WNT11: variants seen among roughly 807,000 people sequenced by gnomAD.
WNT11 encodes the protein Wnt family member 11.
Under a neutral mutation model 35.6 loss-of-function variants are expected in WNT11, and 20 were observed. The ratio of observed to expected loss-of-function variants is 0.56; its 90% CI spans 0.40 to 0.82. The LOEUF (loss-of-function observed/expected upper bound fraction) is 0.82, where lower values mean the gene tolerates loss of function less well. Ranked by LOEUF, WNT11 falls within the 40% of genes least tolerant of loss-of-function variation. The pLI is 0.00. For synonymous variants in WNT11, 200 were observed against 211.9 expected, an observed-to-expected ratio of 0.94 and a Z score of 0.49; for missense variants, 459 against 504.4, an observed-to-expected ratio of 0.91 and a Z score of 0.86.
At chr11:76,205,477 CG>C (rs1346969521) in intron 1 of WNT11, among the ~76,000 whole-genome samples, 2 of 152,210 alleles carry the variant, frequency 1.3e-5, no homozygotes, top group Non-Finnish European at 2.9e-5. Flanking sequence ...AAAAGCTTCC[CG>C]GTGTCTCACA....
intron 1 of WNT11, among the ~76,000 whole-genome samples, chr11:76,201,889 G>A (rs970967484): frequency 6.6e-6 from 1 of 152,134 alleles, no homozygotes; most frequent in Non-Finnish European, 1.5e-5. Context: ...CCGCTCTAGG[G>A]GACCCGCCTG....
At chr11:76,203,497 C>G (rs909177501) in intron 1 of WNT11, among the ~76,000 whole-genome samples, 13 of 152,218 alleles carry the variant, frequency 8.5e-5, no homozygotes, top group African/African-American at 3.1e-4. Context: ...AACCCTCCCC[C>G]TACCCAGGAA....
At chr11:76,208,973 G>C (rs1321341164), upstream of WNT11, among the ~76,000 whole-genome samples, 1 of 152,070 alleles carries the variant, frequency 6.6e-6, no homozygotes, top group Non-Finnish European at 1.5e-5. Flanking sequence ...GGGGCGCTAA[G>C]CCGGGGCTCG....
intron 4 of WNT11, 71 bp from the exon 5 acceptor site, chr11:76,187,310 G>C: frequency 1.4e-6 from 2 of 1,434,538 alleles, no homozygotes; most frequent in Non-Finnish European, 1.8e-6. Flanking sequence ...ATGACTCCCA[G>C]CCAGGCAGCC....
At chr11:76,187,303 A>G in intron 4 of WNT11, 64 bp from the exon 5 acceptor site, 1 of 1,459,278 alleles carries the variant, frequency 6.9e-7, no homozygotes, top group Non-Finnish European at 9.1e-7. Flanking sequence ...ACACCCCATG[A>G]CTCCCAGCCA....
Position 76,194,513 on chromosome 11 carries a change from T to G in WNT11, c.597+54A>C, listed in dbSNP as rs1953239636. ...ACTGGGGCAAGCTGGGTGGCCCTTT[T>G]CTGGCCAATGGCACAAGCACAACTA... On this transcript the variant is annotated intron_variant, in intron 3 of 4. Transcript: ENST00000322563. This position sits in a 1 kb window ranked among gnomAD's most constrained non-coding sequence, Gnocchi z 5.4. 1.2e-5 allele frequency: 18 copies of G among 1,489,494 alleles called. No individual in the cohort carries two copies. The highest frequency in any genetic ancestry group is 1.6e-5 in the Non-Finnish European group (18 of 1,115,730). The allele number at this position is 1,489,494 out of a possible 1,614,324, so 92.3% of individuals were successfully genotyped here. A position where few individuals can be genotyped will look rare whatever the true frequency, so the allele number is the denominator to read the frequency against.
At chr11:76,191,432 A>G in intron 4 of WNT11, 132 bp downstream of exon 4, 1 of 1,090,232 alleles carries the variant, frequency 9.2e-7, no homozygotes, top group South Asian at 1.5e-5. Flanking sequence ...CCTGGGGCCA[A>G]CTCTCTCAAC....
intron 3 of WNT11, among the ~76,000 whole-genome samples, chr11:76,193,719 C>T (rs147011722): frequency 1.3e-5 from 2 of 152,206 alleles, no homozygotes; most frequent in Admixed American, 1.3e-4. Flanking sequence ...GGGGCTGAGC[C>T]GCTGAAGTGC....
chr11:76,203,381 G>A (rs1011887925), intron 1 of WNT11, among the ~76,000 whole-genome samples: 19 of 152,198 alleles, frequency 1.2e-4, no homozygotes, highest in African/African-American at 4.3e-4. Context: ...GCAGGTGTGG[G>A]ACTGCCCAGG....
In WNT11 at chr11:76,191,646, C is replaced by T; in HGVS notation, c.808G>A (p.Asp270Asn). Residue 270 changes from aspartate (D) to asparagine (N), a missense_variant, in exon 4 of 5, where the codon GAC becomes AAC. Coordinates refer to ENST00000322563, the MANE Select transcript of WNT11 (RefSeq NM_004626.3). Reference protein sequence around the residue: ...PKDLDIRPVKDSELVYLQSSP... With the variant: ...PKDLDIRPVKNSELVYLQSSP... ...CTCTGCAGATAGACGAGTTCCGAGT[C>T]CTTCACAGGCCGGATATCCAGGTCC... 6.2e-7 allele frequency: 1 copy of T among 1,614,092 alleles called. No individual in the cohort carries two copies. The highest frequency in any genetic ancestry group is 8.5e-7 in the Non-Finnish European group (1 of 1,180,038).
chr11:76,192,996 A>G (rs2134574325), intron 3 of WNT11, among the ~76,000 whole-genome samples: 1 of 152,278 alleles, frequency 6.6e-6, no homozygotes, highest in Non-Finnish European at 1.5e-5. Flanking sequence ...GGAGCTGGCC[A>G]AGGTCCCAGG....
intron 3 of WNT11, 149 bp from the exon 4 acceptor site, chr11:76,192,005 T>C: frequency 1.8e-6 from 2 of 1,085,968 alleles, no homozygotes; most frequent in South Asian, 3.4e-5. Context: ...GCTTTAAAGC[T>C]TGGAGGTGGT....
At chr11:76,199,806 A>G (rs1953346801) in intron 1 of WNT11, among the ~76,000 whole-genome samples, 1 of 152,114 alleles carries the variant, frequency 6.6e-6, no homozygotes, top group South Asian at 2.1e-4. Context: ...CAAAACAAAC[A>G]AACAAAAAAT....
At chr11:76,197,767 G>T (rs998094165) in intron 1 of WNT11, among the ~76,000 whole-genome samples, 1 of 152,042 alleles carries the variant, frequency 6.6e-6, no homozygotes, top group African/African-American at 2.4e-5. Flanking sequence ...GGGCACCTGG[G>T]TTCCAAGACT....
At chr11:76,204,407 C>T (rs1016818968) in intron 1 of WNT11, among the ~76,000 whole-genome samples, 2 of 152,234 alleles carry the variant, frequency 1.3e-5, no homozygotes, top group Non-Finnish European at 1.5e-5. Flanking sequence ...GGTCTCCCCG[C>T]ATGCGCTGTT....
At position 76,191,658 on chromosome 11, in the gene WNT11, G is replaced by A. The variant is rs915179991; in HGVS notation, c.796C>T (p.Arg266Trp). ...KHLVPKDLDI[R>W]PVKDSELVYL... ...ACGAGTTCCGAGTCCTTCACAGGCC[G>A]GATATCCAGGTCCTTGGGCACCAGG... Residue 266 changes from arginine (R) to tryptophan (W), a missense_variant, in exon 4 of 5, where the codon CGG becomes TGG. Physicochemically the swap from Arg to Trp is moderately radical, Grantham distance 101. Coordinates refer to ENST00000322563, the MANE Select transcript of WNT11 (RefSeq NM_004626.3). 20 of 1,614,024 alleles carry A rather than the reference G, an allele frequency of 1.2e-5. No individual in the cohort carries two copies. The highest frequency in any genetic ancestry group is 6.7e-5 in the East Asian group (3 of 44,888).
At chr11:76,204,412 G>T (rs147604453) in intron 1 of WNT11, among the ~76,000 whole-genome samples, 1 of 152,180 alleles carries the variant, frequency 6.6e-6, no homozygotes, top group Non-Finnish European at 1.5e-5. Flanking sequence ...CCCCGCATGC[G>T]CTGTTCGGCC....
Sources: gnomAD v4.1 joint callset for allele counts (sites outside exome capture counted in the v4.1 genomes callset) on GRCh38, gnomAD v4.1.1 for gene constraint, Gnocchi (gnomAD v3.1) non-coding constraint, MANE v1.5 for transcripts, NCBI Gene and HGNC (gene_info 2026-07-23, HGNC 2026-07-21) for gene names.